GPATCH2: variants seen among roughly 807,000 people sequenced by gnomAD.
The protein encoded by GPATCH2 is G patch domain-containing protein 2.
A neutral mutation model predicts 58.0 loss-of-function variants in GPATCH2; 51 were observed. The observed-to-expected ratio is 0.88, with a 90% CI of 0.70 to 1.11. The LOEUF is 1.11. Ranked by LOEUF, GPATCH2 falls within the 50% of genes most tolerant of loss-of-function variation. The pLI is 0.00. For missense variants in GPATCH2, 625 were observed against 652.2 expected, an observed-to-expected ratio of 0.96 and a Z score of 0.45; for synonymous variants, 222 against 218.5, an observed-to-expected ratio of 1.02 and a Z score of -0.14.
chr1:217,614,569 A>G (rs1034439612), intron 2 of GPATCH2, among the ~76,000 whole-genome samples: 3 of 152,074 alleles, frequency 2.0e-5, no homozygotes, highest in African/African-American at 7.2e-5. Flanking sequence ...ATAAAATGGG[A>G]AAAGTCTCAA....
intron 5 of GPATCH2, among the ~76,000 whole-genome samples, chr1:217,586,060 G>T (rs1055783846): frequency 2.0e-5 from 3 of 152,178 alleles, no homozygotes; most frequent in Admixed American, 2.0e-4. Context: ...AGTACTGGAA[G>T]TTGCTCTGGG....
At chr1:217,615,942 C>T (rs986199610) in intron 2 of GPATCH2, among the ~76,000 whole-genome samples, 4 of 152,014 alleles carry the variant, frequency 2.6e-5, no homozygotes, top group African/African-American at 9.7e-5. Flanking sequence ...CTACATACAG[C>T]CAGGTTCATC....
At chr1:217,628,874 G>C (rs978060990) in intron 1 of GPATCH2, among the ~76,000 whole-genome samples, 1 of 152,010 alleles carries the variant, frequency 6.6e-6, no homozygotes, top group African/African-American at 2.4e-5. Flanking sequence ...CATATTCCTT[G>C]AGATATTATA....
At chr1:217,457,691 G>T (rs1249562743) in intron 8 of GPATCH2, among the ~76,000 whole-genome samples, 1 of 152,080 alleles carries the variant, frequency 6.6e-6, no homozygotes, top group Non-Finnish European at 1.5e-5. Context: ...AAGAATTAGG[G>T]TCATTTGAAA....
intron 5 of GPATCH2, among the ~76,000 whole-genome samples, chr1:217,555,574 A>C (rs1665577232): frequency 6.6e-6 from 1 of 152,138 alleles, no homozygotes; most frequent in African/African-American, 2.4e-5. Context: ...AGAAAGAAAA[A>C]TGTCCATGAT....
At chr1:217,599,182 T>C (rs1057125162) in intron 5 of GPATCH2, among the ~76,000 whole-genome samples, 8 of 152,118 alleles carry the variant, frequency 5.3e-5, no homozygotes, top group Non-Finnish European at 1.0e-4. Context: ...TTATAGGTCA[T>C]AGGTGAAGAG....
rs543636879 is a variant in GPATCH2, at chr1:217,620,242, T to A, written c.314A>T (p.Glu105Val). The A allele has an allele frequency of 6.8e-6, 11 of 1,613,888 alleles. No homozygotes were observed. In the South Asian group the frequency reaches 1.2e-4, roughly 18 times the overall value. The change falls in exon 2 of 10, where the codon GAG (glutamate) becomes GTG (valine). Residue 105 changes from glutamate (E) to valine (V), a missense_variant. Transcript: ENST00000366935. Reference sequence around the variant, plus strand: ...ATCTTTTTTATTATTATTGTGATTCTCTCTATAGTCCTTGCTTGGTTCTTC... The same window carrying A: ...ATCTTTTTTATTATTATTGTGATTCACTCTATAGTCCTTGCTTGGTTCTTC... Reference protein sequence around the residue: ...SLEEPSKDYRENHNNNKKDHS... With the variant: ...SLEEPSKDYRVNHNNNKKDHS...
rs564483801 is a variant in GPATCH2, at chr1:217,576,591, G to A, written c.1098+33730C>T. 2.4e-4 allele frequency among the ~76,000 whole-genome samples: 36 copies of A among 152,166 alleles called. 1 individual carries two copies. The South Asian group carries it at 4.4e-3, about 18-fold the overall frequency. On this transcript the variant is annotated intron_variant, in intron 5 of 9. Coordinates refer to ENST00000366935, the MANE Select transcript of GPATCH2 (RefSeq NM_018040.5). Reference sequence around the variant, plus strand: ...TGAACTAAATGAATTCTGCTATAACGGAGAGCTGAGACTTGAAAAAATTGC... The same window carrying A: ...TGAACTAAATGAATTCTGCTATAACAGAGAGCTGAGACTTGAAAAAATTGC...
At chr1:217,603,676 C>A (rs1668216327) in intron 5 of GPATCH2, among the ~76,000 whole-genome samples, 1 of 151,820 alleles carries the variant, frequency 6.6e-6, no homozygotes, top group African/African-American at 2.4e-5. Context: ...AGACTGGAGT[C>A]CAGTGGCATG....
At chr1:217,495,714 T>C (rs540092634) in intron 7 of GPATCH2, among the ~76,000 whole-genome samples, 3 of 152,328 alleles carry the variant, frequency 2.0e-5, no homozygotes, top group South Asian at 4.1e-4. Context: ...TAATTACTGC[T>C]TACCTGCTCC....
intron 8 of GPATCH2, among the ~76,000 whole-genome samples, chr1:217,483,748 T>C (rs1488396370): frequency 6.6e-6 from 1 of 152,238 alleles, no homozygotes; most frequent in African/African-American, 2.4e-5. Flanking sequence ...TTAACATCTT[T>C]GCATATGCAA....
In GPATCH2 at chr1:217,489,858, G is replaced by A. The variant is rs570511280; in HGVS notation, c.1277+1822C>T. Among the ~76,000 whole-genome samples, 87 of 152,210 alleles carry A rather than the reference G, an allele frequency of 5.7e-4. No homozygotes were observed. The Middle Eastern group carries it at 0.01, about 18-fold the overall frequency. ...GCCTGGGCAACAAGAGAGAAACTCC[G>A]TCTCAAATAAAAAAGAATTGAGAAA... On this transcript the variant is annotated intron_variant, in intron 8 of 9. Transcript: ENST00000366935.
intron 5 of GPATCH2, among the ~76,000 whole-genome samples, chr1:217,584,141 G>C (rs1326501835): frequency 6.6e-6 from 1 of 151,434 alleles, no homozygotes; most frequent in Non-Finnish European, 1.5e-5. Context: ...TAATTTATAG[G>C]TTGACAAAAC....
intron 9 of GPATCH2, among the ~76,000 whole-genome samples, chr1:217,438,572 C>T (rs1208494650): frequency 6.6e-6 from 1 of 152,028 alleles, no homozygotes; most frequent in Non-Finnish European, 1.5e-5. Flanking sequence ...CTGAAGCATG[C>T]ACAAGTATCA....
chr1:217,573,499 A>G (rs555764812), intron 5 of GPATCH2, among the ~76,000 whole-genome samples: 1 of 152,342 alleles, frequency 6.6e-6, no homozygotes, highest in African/African-American at 2.4e-5. Flanking sequence ...CCTAGAATGA[A>G]TGACCTCTGA....
chr1:217,582,874 C>T (rs1667139082), intron 5 of GPATCH2, among the ~76,000 whole-genome samples: 1 of 152,128 alleles, frequency 6.6e-6, no homozygotes, highest in African/African-American at 2.4e-5. Flanking sequence ...AACAGGAGCA[C>T]CTGAGATTGC....
At chr1:217,515,195 AC>A (rs1316053382) in intron 5 of GPATCH2, among the ~76,000 whole-genome samples, 2 of 151,228 alleles carry the variant, frequency 1.3e-5, no homozygotes, top group African/African-American at 4.9e-5. Context: ...TCCCAGGTTC[AC>A]GCCATTCTCC....
At chr1:217,498,143 G>C in intron 7 of GPATCH2, 1 of 637,684 alleles carries the variant, frequency 1.6e-6, no homozygotes, top group Non-Finnish European at 2.8e-6. Context: ...TATGACTGAA[G>C]ACAGTGGCAG....
chr1:217,584,344 A>AAAAAAAAAAAAAATATAT (rs1463910405), intron 5 of GPATCH2, among the ~76,000 whole-genome samples: 1 of 101,860 alleles, frequency 9.8e-6, no homozygotes, highest in Non-Finnish European at 2.0e-5. Context: ...AAAAAAAAAA[A>AAAAAAAAAAAAAATATAT]ATATATATAT....
Sources: allele counts gnomAD v4.1 joint callset (sites outside exome capture counted in the v4.1 genomes callset), GRCh38; gene constraint gnomAD v4.1.1; transcripts MANE v1.5; gene names NCBI Gene and HGNC (gene_info 2026-07-23, HGNC 2026-07-21).